Variants in PARVB observed in about 807,000 individuals in gnomAD.
The protein encoded by PARVB is parvin beta.
A neutral mutation model predicts 47.0 loss-of-function variants in PARVB; 46 were observed. The observed-to-expected ratio is 0.98, with a 90% CI of 0.77 to 1.25. PARVB has a LOEUF of 1.25. Among genes scored for constraint, PARVB ranks in the 50% most tolerant of loss-of-function variants. The probability of loss-of-function intolerance (pLI) is 0.00; values close to 1 mark genes in which losing one functional copy is unlikely to be tolerated. For missense variants in PARVB, 473 were observed against 471.6 expected (o/e 1.00, Z -0.03); for synonymous variants, 196 against 196.3 (o/e 1.00, Z 0.01).
intron 3 of PARVB, chr22:44,109,103 G>A (rs993793681): frequency 6.6e-6 from 1 of 152,150 alleles, no homozygotes; most frequent in African/African-American, 2.4e-5. Flanking sequence ...TTGTCTCTCC[G>A]AAGAAAATCA....
At chr22:44,080,292 T>C (rs1430198546) in intron 1 of PARVB, among the ~76,000 whole-genome samples, 1 of 152,198 alleles carries the variant, frequency 6.6e-6, no homozygotes, top group Admixed American at 6.5e-5. Flanking sequence ...CACAAATCTA[T>C]TATTTTACAG....
intron 1 of PARVB, among the ~76,000 whole-genome samples, chr22:44,043,024 G>A (rs1332636557): frequency 2.0e-5 from 3 of 152,162 alleles, no homozygotes; most frequent in African/African-American, 7.2e-5. Context: ...ACTGATGAGT[G>A]GATAAGCAAA....
At chr22:44,090,249 T>A (rs573644547) in intron 1 of PARVB, among the ~76,000 whole-genome samples, 25 of 152,322 alleles carry the variant, frequency 1.6e-4, no homozygotes, top group Middle Eastern at 3.4e-3. Context: ...TGGGGCTCTG[T>A]GGCCACAGGC....
chr22:44,151,455 G>T (rs199539860), intron 9 of PARVB, 28 bp from the exon 10 acceptor site: 2 of 1,593,986 alleles, frequency 1.3e-6, no homozygotes, highest in Admixed American at 1.7e-5. Context: ...GCCATTCATG[G>T]CTCCTGTGTC....
intron 12 of PARVB, among the ~76,000 whole-genome samples, chr22:44,166,211 G>A (rs929377716): frequency 6.6e-6 from 1 of 152,180 alleles, no homozygotes; most frequent in African/African-American, 2.4e-5. Context: ...CTAGGTTCAA[G>A]CAACTCTCTT....
intron 1 of PARVB, among the ~76,000 whole-genome samples, chr22:44,075,659 C>T (rs1365675496): frequency 6.6e-6 from 1 of 152,248 alleles, no homozygotes; most frequent in Non-Finnish European, 1.5e-5. Context: ...GTAGTTTTGC[C>T]TGCCCCACAG....
intron 8 of PARVB, chr22:44,140,766 C>G (rs2053535562): frequency 5.9e-6 from 2 of 340,506 alleles, no homozygotes; most frequent in African/African-American, 2.1e-5. Flanking sequence ...GGGGACAGCC[C>G]TCTATGTGGG....
At chr22:44,040,530 C>G (rs4823187) in intron 1 of PARVB, among the ~76,000 whole-genome samples, 114,518 of 152,110 alleles carry the variant, frequency 0.75, 43,219 homozygotes, top group East Asian at 0.8. Flanking sequence ...GAGAAGTGAC[C>G]ATGGAGGTGG....
rs117576785 is a variant in PARVB, at chr22:44,004,957, G to T, written c.211+5284G>T. On this transcript the variant is annotated intron_variant, in intron 2 of 13. Coordinates refer to the PARVB transcript ENST00000406477. ...TAAAAATGGATGATTGATTTAAAAG[G>T]TTCTCAGGGACAGTGCTGTGTACTC... Among the ~76,000 whole-genome samples the T allele has an allele frequency of 8.8e-3, 1,333 of 152,246 alleles. 13 individuals carry two copies. The highest frequency in any genetic ancestry group is 0.014 in the Non-Finnish European group (954 of 68,022).
chr22:44,155,506 G>A lies in PARVB; in HGVS notation c.844-2476G>A, dbSNP rs146427511. 6.8e-4 allele frequency among the ~76,000 whole-genome samples: 103 copies of A among 152,282 alleles called. 2 individuals carry two copies. In the East Asian group the frequency reaches 0.011, roughly 17 times the overall value. The stretch of plus-strand genomic sequence containing the variant: ...TGCTGGGACAGTGAGGAGACACCAC[G>A]GAAGGAAGAAAAGACTCAGCAGGCT... On this transcript the variant is annotated intron_variant, in intron 10 of 12. Transcript: ENST00000338758. This position sits in a 1 kb window ranked among gnomAD's most constrained non-coding sequence, Gnocchi z 4.8.
intron 1 of PARVB, among the ~76,000 whole-genome samples, chr22:44,042,282 C>T (rs1351118970): frequency 6.6e-6 from 1 of 152,118 alleles, no homozygotes; most frequent in African/African-American, 2.4e-5. Context: ...TTAGCCAGGC[C>T]TGGTGGTGGG....
At chr22:44,107,601 G>T (rs1022827383) in intron 3 of PARVB, 1 of 152,196 alleles carries the variant, frequency 6.6e-6, no homozygotes, top group Admixed American at 6.5e-5. Flanking sequence ...AGAGGGTTGG[G>T]TCTATCAGTC....
chr22:44,069,106 G>T, intron 1 of PARVB: 1 of 1,611,572 alleles, frequency 6.2e-7, no homozygotes, highest in Non-Finnish European at 8.5e-7. Flanking sequence ...CCTGCCCTCC[G>T]ACGTCCGCCG....
At chr22:44,055,579 C>T (rs570805264) in intron 1 of PARVB, among the ~76,000 whole-genome samples, 8 of 152,076 alleles carry the variant, frequency 5.3e-5, no homozygotes, top group Non-Finnish European at 7.4e-5. Flanking sequence ...GTGATCCGCC[C>T]GCCTCGGCCT....
chr22:44,091,066 G>A (rs2052154916), intron 1 of PARVB, among the ~76,000 whole-genome samples: 1 of 152,144 alleles, frequency 6.6e-6, no homozygotes. Context: ...GGCAGAGGGA[G>A]TCTCAAAACT....
chr22:44,106,415 A>T (rs2052569910), intron 3 of PARVB: 1 of 152,230 alleles, frequency 6.6e-6, no homozygotes, highest in Non-Finnish European at 1.5e-5. Flanking sequence ...ACATCTAAGT[A>T]GGCCTTAGTA....
intron 4 of PARVB, among the ~76,000 whole-genome samples, chr22:44,131,133 TTC>T (rs34132028): frequency 0.56 from 72,753 of 128,794 alleles, 20,588 homozygotes; most frequent in East Asian, 0.7. Flanking sequence ...TTTTCTTTCT[TTC>T]TCTCTCTCTC....
chr22:44,053,555 T>G (rs73438667), intron 1 of PARVB, among the ~76,000 whole-genome samples: 3,191 of 152,234 alleles, frequency 0.021, 125 homozygotes, highest in African/African-American at 0.074. Flanking sequence ...CAGACTCCAG[T>G]GACCAAATGT....
chr22:44,021,790 CACACA>C (rs1367310921), upstream of PARVB, among the ~76,000 whole-genome samples: 1 of 140,530 alleles, frequency 7.1e-6, no homozygotes, highest in Non-Finnish European at 1.6e-5. Context: ...CACACACACA[CACACA>C]CACACACACA....
Sources: allele counts gnomAD v4.1 joint callset (sites outside exome capture counted in the v4.1 genomes callset), GRCh38; gene constraint gnomAD v4.1.1; non-coding constraint Gnocchi (gnomAD v3.1); transcripts MANE v1.5; gene names NCBI Gene and HGNC (gene_info 2026-07-23, HGNC 2026-07-21).